The following BCL11B variants were observed in gnomAD, a reference collection of about 807,000 sequenced individuals.
BCL11B encodes BCL11 transcription factor B.
Under a neutral mutation model 49.9 loss-of-function variants are expected in BCL11B, and 8 were observed. The ratio of observed to expected loss-of-function variants is 0.16; its 90% CI spans 0.09 to 0.29. The LOEUF (loss-of-function observed/expected upper bound fraction) is 0.29, where lower values mean the gene tolerates loss of function less well. Among genes scored for constraint, BCL11B ranks in the 10% least tolerant of loss-of-function variants. The pLI, the probability that BCL11B is intolerant of heterozygous loss-of-function variation, is 1.00. For synonymous variants in BCL11B, 739 were observed against 637.4 expected (o/e 1.16, Z -2.40); for missense variants, 1,006 against 1,351.0 (o/e 0.74, Z 4.00).
chr14:99,243,161 G>A (rs1888719235), intron 2 of BCL11B, among the ~76,000 whole-genome samples: 1 of 152,184 alleles, frequency 6.6e-6, no homozygotes. Context: ...TCAGTATCAA[G>A]ATTCTGAATC....
intron 2 of BCL11B, among the ~76,000 whole-genome samples, chr14:99,236,845 A>G (rs1288064325): frequency 6.6e-6 from 1 of 152,246 alleles, no homozygotes; most frequent in Non-Finnish European, 1.5e-5. Context: ...TAACAGCTCC[A>G]CCATGGGTTC....
intron 1 of BCL11B, among the ~76,000 whole-genome samples, chr14:99,266,700 G>A (rs1392681142): frequency 6.6e-6 from 1 of 152,224 alleles, no homozygotes; most frequent in Non-Finnish European, 1.5e-5. Flanking sequence ...CCATTGTAGC[G>A]GAGGCGCCAA....
rs138437207 is a variant in BCL11B at position 99,233,053 on chromosome 14, C to G, written c.428-1496G>C. ...CCCTGGAAGGATGTGGCTGAGGAACCAGTAAACAGTTTCAGCCTCAGATGC... is the reference window on the plus strand; with the variant it reads ...CCCTGGAAGGATGTGGCTGAGGAACGAGTAAACAGTTTCAGCCTCAGATGC... On this transcript the variant is annotated intron_variant, in intron 2 of 3. Transcript: ENST00000357195. Among the ~76,000 whole-genome samples, 588 of 152,274 alleles carry G rather than the reference C, an allele frequency of 3.9e-3. 5 individuals carry two copies. The highest frequency in any genetic ancestry group is 0.013 in the African/African-American group (558 of 41,556).
Position 99,176,145 on chromosome 14 carries a change from T to C in BCL11B, c.691A>G (p.Asn231Asp). ...TGCTGCAGCAGGAACCACGCGCTGT[T>C]GAAGGGCTGCTTGCATGTTGTGCAA... ...YICTTCKQPF[N>D]SAWFLLQHAQ... Residue 231 changes from asparagine to aspartate, a missense_variant, in exon 4 of 4, where the codon AAC (asparagine) becomes GAC (aspartate). By Grantham distance (23) the Asn-to-Asp change is conservative. Around this residue, in one of 6 missense-constraint regions of BCL11B, gnomAD observed 411 missense variants for 542.2 expected, o/e 0.76. Transcript: ENST00000357195. The C allele has an allele frequency of 1.2e-6, 2 of 1,612,318 alleles. No homozygotes were observed. Among genetic ancestry groups the C allele is most frequent in the Non-Finnish European group, 1.7e-6 (2 of 1,179,066 alleles).
chr14:99,237,212 GTAT>G (rs1175137033), intron 2 of BCL11B, among the ~76,000 whole-genome samples: 4 of 150,708 alleles, frequency 2.7e-5, no homozygotes, highest in African/African-American at 9.8e-5. Flanking sequence ...CACTCCACAG[GTAT>G]TATTTCATTT....
Position 99,174,272 on chromosome 14 carries a change from C to T in BCL11B, c.2564G>A (p.Arg855His), listed in dbSNP as rs749262405. 1.2e-6 allele frequency: 2 copies of T among 1,613,652 alleles called. No individual in the cohort carries two copies. The highest frequency in any genetic ancestry group is 2.2e-5 in the East Asian group (1 of 44,882). The change falls in exon 4 of 4, where the codon CGC becomes CAC. Residue 855 changes from arginine to histidine, a missense_variant. Coordinates refer to ENST00000357195, the MANE Select transcript of BCL11B (RefSeq NM_138576.4). ...GAAGGGCATCTGGCAGATGTCGCAG[C>T]GGTACACCTCCTTGCCGATCTGCCC... ...THGQIGKEVYRCDICQMPFSV... is the reference protein window; with the variant it reads ...THGQIGKEVYHCDICQMPFSV...
intron 3 of BCL11B, among the ~76,000 whole-genome samples, chr14:99,210,468 GAAA>G (rs1002197706): frequency 6.6e-6 from 1 of 152,082 alleles, no homozygotes; most frequent in Non-Finnish European, 1.5e-5. Flanking sequence ...TGTGTTTACT[GAAA>G]AGGTTTTCTC....
At chr14:99,268,379 G>T (rs894943928) in intron 1 of BCL11B, among the ~76,000 whole-genome samples, 1 of 152,094 alleles carries the variant, frequency 6.6e-6, no homozygotes. Context: ...ATCCCTGAAG[G>T]ACCTGAGGTT....
At chr14:99,186,752 C>G (rs1166878388) in intron 3 of BCL11B, among the ~76,000 whole-genome samples, 1 of 152,188 alleles carries the variant, frequency 6.6e-6, no homozygotes, top group East Asian at 1.9e-4. Context: ...TGAAAAATTT[C>G]AAGCCCACAC....
chr14:99,257,345 C>T lies in BCL11B; in HGVS notation c.427+126G>A, dbSNP rs1171285955. 1.1e-5 allele frequency: 14 copies of T among 1,296,896 alleles called. No individual in the cohort carries two copies. The highest frequency in any genetic ancestry group is 2.9e-4 in the Middle Eastern group (1 of 3,484). 80.3% of individuals were successfully genotyped at this position (1,296,896 alleles called of 1,614,324 possible). ...GTGGACCCTCAGAAAGGGGGAGCCC[C>T]GGCTGGTGGCCCAGAGGCCATCCTG... On this transcript the variant is annotated intron_variant, in intron 2 of 3. Coordinates refer to ENST00000357195, the MANE Select transcript of BCL11B (RefSeq NM_138576.4). This position sits in a 1 kb window ranked among gnomAD's most constrained non-coding sequence, Gnocchi z 6.2.
At chr14:99,196,347 G>A (rs1457739457) in intron 3 of BCL11B, among the ~76,000 whole-genome samples, 2 of 152,124 alleles carry the variant, frequency 1.3e-5, no homozygotes, top group East Asian at 1.9e-4. Context: ...GCGCAGCACC[G>A]TGATACCTTC....
At chr14:99,220,736 G>A (rs921298664) in intron 3 of BCL11B, among the ~76,000 whole-genome samples, 17 of 152,054 alleles carry the variant, frequency 1.1e-4, no homozygotes, top group African/African-American at 3.9e-4. Flanking sequence ...TAAATCTAAT[G>A]TTTATCTTAC....
At position 99,172,380 on chromosome 14, in the gene BCL11B, T is replaced by A; in HGVS notation, c.*1771A>T. On this transcript the variant is annotated 3_prime_UTR_variant, in exon 4 of 4. Coordinates refer to ENST00000357195, the MANE Select transcript of BCL11B (RefSeq NM_138576.4). Reference sequence around the variant, plus strand: ...TGATTGGGTCTTATGGCATTTCATATCCTCTATCTTCAACCAGAATTTTTT... The same window carrying A: ...TGATTGGGTCTTATGGCATTTCATAACCTCTATCTTCAACCAGAATTTTTT... The A allele has an allele frequency of 4.5e-6, 1 of 221,314 alleles. No homozygotes were observed. The highest frequency in any genetic ancestry group is 2.2e-5 in the African/African-American group (1 of 44,746). The allele number at this position is 221,314 out of a possible 1,614,324, so 13.7% of individuals were successfully genotyped here.
At chr14:99,258,459 A>G (rs982675965) in intron 1 of BCL11B, among the ~76,000 whole-genome samples, 2 of 150,994 alleles carry the variant, frequency 1.3e-5, no homozygotes, top group African/African-American at 4.9e-5. Flanking sequence ...TCCCACTCAC[A>G]TTCCTCTACC....
At chr14:99,189,524 C>A (rs995161374) in intron 3 of BCL11B, among the ~76,000 whole-genome samples, 2 of 152,200 alleles carry the variant, frequency 1.3e-5, no homozygotes, top group Non-Finnish European at 2.9e-5. Flanking sequence ...AAACTAATGT[C>A]GACAAGGAGT....
chr14:99,212,351 C>A (rs1475147223), intron 3 of BCL11B, among the ~76,000 whole-genome samples: 1 of 152,184 alleles, frequency 6.6e-6, no homozygotes, highest in Non-Finnish European at 1.5e-5. Context: ...CTCCCCTGGG[C>A]CTGGGCGGGC....
At chr14:99,234,825 A>C (rs1888442048) in intron 2 of BCL11B, among the ~76,000 whole-genome samples, 1 of 146,804 alleles carries the variant, frequency 6.8e-6, no homozygotes, top group Admixed American at 6.8e-5. Flanking sequence ...AGACACTCCC[A>C]AAAAAACGCT....
At chr14:99,199,690 GCGCGCGCA>G (rs1404963521) in intron 3 of BCL11B, among the ~76,000 whole-genome samples, 88 of 64,382 alleles carry the variant, frequency 1.4e-3, no homozygotes, top group Middle Eastern at 7.8e-3. Flanking sequence ...GTGTGCGCGC[GCGCGCGCA>G]CGTGCACGTG....
chr14:99,197,764 C>T (rs1479634062), intron 3 of BCL11B, among the ~76,000 whole-genome samples: 1 of 152,194 alleles, frequency 6.6e-6, no homozygotes, highest in South Asian at 2.1e-4. Context: ...AGCGGAGACT[C>T]AGAGACGGAG....
Sources: gnomAD v4.1 joint callset for allele counts (sites outside exome capture counted in the v4.1 genomes callset) on GRCh38, gnomAD v4.1.1 for gene constraint, gnomAD v4.1.1 regional missense constraint, Gnocchi (gnomAD v3.1) non-coding constraint, MANE v1.5 for transcripts, NCBI Gene and HGNC (gene_info 2026-07-23, HGNC 2026-07-21) for gene names.